The following ASAP1 variants were observed in gnomAD, a reference collection of about 807,000 sequenced individuals.
The protein encoded by ASAP1 is ArfGAP with SH3 domain, ankyrin repeat and PH domain 1.
Under a neutral mutation model 145.2 loss-of-function variants are expected in ASAP1, and 43 were observed. That is an observed-to-expected ratio of 0.30 (90% CI 0.23 to 0.38). ASAP1 has a LOEUF of 0.38. Ranked by LOEUF, ASAP1 falls within the 10% of genes least tolerant of loss-of-function variation. The pLI is 1.00. For synonymous variants in ASAP1, 546 were observed against 515.5 expected (o/e 1.06, Z -0.80); for missense variants, 1,018 against 1,355.3 (o/e 0.75, Z 3.91).
At chr8:130,261,543 A>G (rs1323391463) in intron 3 of ASAP1, among the ~76,000 whole-genome samples, 5 of 152,134 alleles carry the variant, frequency 3.3e-5, no homozygotes, top group African/African-American at 1.2e-4. Flanking sequence ...GGCTTAGGGA[A>G]ACCCAGGGCA....
chr8:130,297,083 G>A (rs556958443), intron 3 of ASAP1, among the ~76,000 whole-genome samples: 1 of 152,324 alleles, frequency 6.6e-6, no homozygotes, highest in Non-Finnish European at 1.5e-5. Context: ...TAAATCTATG[G>A]TTTGGGAAAC....
intron 24 of ASAP1, among the ~76,000 whole-genome samples, chr8:130,098,386 C>A (rs2097522757): frequency 6.6e-6 from 1 of 152,178 alleles, no homozygotes; most frequent in East Asian, 1.9e-4. Flanking sequence ...CTTTGTTGCC[C>A]AGGCTGGAGT....
At position 130,432,099 on chromosome 8, in the gene ASAP1, G is replaced by A. The variant is rs112162058; in HGVS notation, c.-28+11361C>T. Among the ~76,000 whole-genome samples the A allele has an allele frequency of 2.3e-3, 261 of 111,662 alleles. 1 individual carries two copies. Among genetic ancestry groups the A allele is most frequent in the African/African-American group, 8.6e-3 (251 of 29,060 alleles). 73.3% of individuals were successfully genotyped at this position (111,662 alleles called of 152,430 possible). A position where few individuals can be genotyped will look rare whatever the true frequency, so the allele number is the denominator to read the frequency against. On this transcript the variant is annotated intron_variant, in intron 1 of 29. Coordinates refer to ENST00000518721, the MANE Select transcript of ASAP1 (RefSeq NM_018482.4). ...GGGGGAGGGGGAAGGGGGAGGAAAG[G>A]GAAGAGGGGGAGAGGGAAGAGGAGG... is the stretch of plus-strand genomic sequence containing the variant.
At chr8:130,365,548 A>T (rs548398583) in intron 2 of ASAP1, among the ~76,000 whole-genome samples, 4 of 152,364 alleles carry the variant, frequency 2.6e-5, no homozygotes, top group African/African-American at 9.6e-5. Flanking sequence ...AGAAAAACTT[A>T]CAATACACCC....
intron 4 of ASAP1, among the ~76,000 whole-genome samples, chr8:130,219,327 C>G (rs554143123): frequency 2.0e-5 from 3 of 150,970 alleles, no homozygotes; most frequent in Admixed American, 6.6e-5. Flanking sequence ...TCAACAGGCA[C>G]AGAGAGTGAG....
At chr8:130,237,101 A>T in intron 3 of ASAP1, 107 bp from the exon 4 acceptor site, 1 of 748,742 alleles carries the variant, frequency 1.3e-6, no homozygotes, top group Non-Finnish European at 2.1e-6. Context: ...TACCAAAGCA[A>T]CAGCAAACTG....
intron 3 of ASAP1, among the ~76,000 whole-genome samples, chr8:130,252,507 T>TA (rs1819261037): frequency 6.6e-6 from 1 of 152,152 alleles, no homozygotes; most frequent in Non-Finnish European, 1.5e-5. Flanking sequence ...TATGTTAACT[T>TA]TCATAGAAAA....
In ASAP1 at chr8:130,188,333, C is replaced by G. The variant is rs977049034; in HGVS notation, c.406-150G>C. ...ATTTCATTGAACCTACATGACACCT[C>G]TGTAGGTTAGGCGACACAATTATCA... On this transcript the variant is annotated intron_variant, in intron 5 of 29. Coordinates refer to ENST00000518721, the MANE Select transcript of ASAP1 (RefSeq NM_018482.4). The G allele has an allele frequency of 2.4e-5, 16 of 654,166 alleles. No homozygotes were observed. The African/African-American group carries it at 2.7e-4, about 11-fold the overall frequency. The allele number at this position is 654,166 out of a possible 1,614,324, so 40.5% of individuals were successfully genotyped here. A position where few individuals can be genotyped will look rare whatever the true frequency, so the allele number is the denominator to read the frequency against.
chr8:130,431,821 T>A (rs1438465465), intron 1 of ASAP1, among the ~76,000 whole-genome samples: 1 of 118,170 alleles, frequency 8.5e-6, no homozygotes, highest in Non-Finnish European at 1.7e-5. Context: ...AGGGGAAGAG[T>A]AGGGAGAGGT....
At chr8:130,235,740 TA>T (rs979319467) in intron 4 of ASAP1, among the ~76,000 whole-genome samples, 1 of 152,090 alleles carries the variant, frequency 6.6e-6, no homozygotes, top group African/African-American at 2.4e-5. Flanking sequence ...TCTCAAGGCC[TA>T]GGGGGGTTTA....
intron 5 of ASAP1, among the ~76,000 whole-genome samples, chr8:130,200,746 G>T (rs753819701): frequency 5.9e-5 from 9 of 151,976 alleles, no homozygotes; most frequent in Non-Finnish European, 2.9e-5. Context: ...ATTTTTGTAC[G>T]TACAAAGTTA....
chr8:130,117,710 C>G (rs1238487731), intron 20 of ASAP1, among the ~76,000 whole-genome samples: 1 of 152,200 alleles, frequency 6.6e-6, no homozygotes, highest in African/African-American at 2.4e-5. Context: ...AATTTAGGAA[C>G]AATGAAAACT....
intron 24 of ASAP1, among the ~76,000 whole-genome samples, chr8:130,108,331 C>G (rs1199576459): frequency 6.6e-6 from 1 of 152,178 alleles, no homozygotes; most frequent in African/African-American, 2.4e-5. Flanking sequence ...TGGGAATGAA[C>G]TGTAATTAGC....
intron 3 of ASAP1, among the ~76,000 whole-genome samples, chr8:130,319,436 G>A (rs190496526): frequency 3.3e-4 from 50 of 152,312 alleles, no homozygotes; most frequent in Admixed American, 5.9e-4. Flanking sequence ...GGGGTGGTGG[G>A]GATTGCTCCA....
chr8:130,157,642 C>T (rs571860105), intron 12 of ASAP1, among the ~76,000 whole-genome samples: 3 of 152,282 alleles, frequency 2.0e-5, no homozygotes, highest in African/African-American at 7.2e-5. Context: ...CTGACCTTAT[C>T]TCCTATGACC....
intron 11 of ASAP1, among the ~76,000 whole-genome samples, chr8:130,161,552 T>C (rs903689666): frequency 8.5e-5 from 13 of 152,232 alleles, no homozygotes; most frequent in African/African-American, 2.7e-4. Context: ...CATATCACTG[T>C]CCTGCTCTCT....
intron 13 of ASAP1, among the ~76,000 whole-genome samples, chr8:130,148,990 T>C (rs535704302): frequency 1.3e-5 from 2 of 150,284 alleles, no homozygotes; most frequent in African/African-American, 4.9e-5. Context: ...GTGTGCACCA[T>C]CATGCCCAGC....
chr8:130,261,615 C>T (rs1819903908), intron 3 of ASAP1, among the ~76,000 whole-genome samples: 1 of 152,152 alleles, frequency 6.6e-6, no homozygotes, highest in Non-Finnish European at 1.5e-5. Context: ...AACACACACT[C>T]TGGCCCATCT....
intron 3 of ASAP1, among the ~76,000 whole-genome samples, chr8:130,300,184 A>AGAGAGCGAGCGAGC (rs761456724): frequency 5.0e-5 from 7 of 140,276 alleles, no homozygotes; most frequent in African/African-American, 1.7e-4. Context: ...AGAGAGAGAG[A>AGAGAGCGAGCGAGC]GAGCGAGCGA....
Sources: allele counts gnomAD v4.1 joint callset (sites outside exome capture counted in the v4.1 genomes callset), GRCh38; gene constraint gnomAD v4.1.1; transcripts MANE v1.5; gene names NCBI Gene and HGNC (gene_info 2026-07-23, HGNC 2026-07-21).